Variants in VPS28 observed in about 807,000 individuals in gnomAD.
The protein encoded by VPS28 is VPS28 subunit of ESCRT-I.
A neutral mutation model predicts 33.7 loss-of-function variants in VPS28; 29 were observed. The ratio of observed to expected loss-of-function variants is 0.86; its 90% CI spans 0.64 to 1.17. The LOEUF is 1.17. Ranked by LOEUF, VPS28 falls within the 50% of genes most tolerant of loss-of-function variation. VPS28 has a pLI of 0.00. For synonymous variants in VPS28, 164 were observed against 116.7 expected (o/e 1.40, Z -2.61); for missense variants, 247 against 312.2 (o/e 0.79, Z 1.57).
At chr8:144,428,401 G>A (rs1822962811) in intron 1 of VPS28, 88 bp downstream of exon 1, 1 of 151,478 alleles carries the variant, frequency 6.6e-6, no homozygotes, top group Non-Finnish European at 1.5e-5. Context: ...AGCTGTGCCG[G>A]GGCCTAGGCG....
At position 144,424,727 on chromosome 8, in the gene VPS28, G is replaced by A. The variant is rs370144893; in HGVS notation, c.393C>T (p.Asp131=). The change falls in exon 7 of 10, where the codon GAC becomes GAT. Residue 131 remains aspartate, a synonymous_variant. Coordinates refer to ENST00000292510, the MANE Select transcript of VPS28 (RefSeq NM_016208.4). The stretch of plus-strand genomic sequence containing the variant: ...GGGGGCTGGGGCGCACCGAGACCAC[G>A]TCTGCGATGCAGCGGTTGAGGTTGC... ...DKGNLNRCIA[D]VVSLFITVMD... 1.1e-4 allele frequency: 171 copies of A among 1,611,976 alleles called. No homozygotes were observed. Among genetic ancestry groups the A allele is most frequent in the African/African-American group, 2.4e-4 (18 of 74,914 alleles).
At position 144,423,894 on chromosome 8, in the gene VPS28, A is replaced by C. The variant is rs782118765; in HGVS notation, c.577T>G (p.Ser193Ala). The change falls in exon 10 of 10, where the codon TCA (serine) becomes GCA (alanine). Residue 193 changes from serine to alanine, a missense_variant. Ser to Ala is a moderately conservative substitution (Grantham distance 99, BLOSUM62 1). Transcript: ENST00000292510. ...WLQTLSGMSA[S>A]DELDDSQVRQ... ...ACCTGTGAGTCGTCCAGCTCATCTGACGCCGACATGCCGCTCAGGGTCTGC... is the reference window on the plus strand; with the variant it reads ...ACCTGTGAGTCGTCCAGCTCATCTGCCGCCGACATGCCGCTCAGGGTCTGC... 12 of 1,613,022 alleles carry C rather than the reference A, an allele frequency of 7.4e-6. No homozygotes were observed. The Admixed American group carries it at 8.3e-5, about 11-fold the overall frequency.
At position 144,426,916 on chromosome 8, in the gene VPS28, G is replaced by T. The variant is rs941597559; in HGVS notation, c.30C>A (p.Gly10=). The T allele has an allele frequency of 6.2e-7, 1 of 1,612,648 alleles. No homozygotes were observed. ...CCTTCCAGCCACACTCACCTCCTAT[G>T]CCCGGCGTGGCTGGGATCCCATGAA... The part of the protein sequence containing the change: MFHGIPATP[G]IGAPGNKPEL... The change falls in exon 2 of 10, where the codon GGC becomes GGA. Residue 10 remains glycine, a synonymous_variant. Coordinates refer to ENST00000292510, the MANE Select transcript of VPS28 (RefSeq NM_016208.4).
At chr8:144,424,546 T>TG in intron 7 of VPS28, 172 bp downstream of exon 7, 1 of 848,768 alleles carries the variant, frequency 1.2e-6, no homozygotes, top group East Asian at 2.7e-5. Context: ...CCAGGTGGCC[T>TG]GGGGGCGTCC....
chr8:144,425,905 C>T (rs1269575601), intron 4 of VPS28, 121 bp downstream of exon 4: 22 of 1,505,408 alleles, frequency 1.5e-5, no homozygotes, highest in Non-Finnish European at 1.9e-5. Context: ...GCCTCAGGAA[C>T]AGTTCCCCAG....
Position 144,425,754 on chromosome 8 carries a change from C to T in VPS28, c.123G>A (p.Glu41=), listed in dbSNP as rs1554876551. 2 of 1,613,956 alleles carry T rather than the reference C, an allele frequency of 1.2e-6. No individual in the cohort carries two copies. The highest frequency in any genetic ancestry group is 1.1e-5 in the South Asian group (1 of 91,088). Residue 41 remains glutamate (E), a synonymous_variant, in exon 5 of 10, where the codon GAG becomes GAA. Coordinates refer to ENST00000292510, the MANE Select transcript of VPS28 (RefSeq NM_016208.4). The part of the protein sequence containing the change: ...REREKYDNMA[E]LFAVVKTMQA... ...GCATTGTCTTCACCACCGCAAACAGCTCTGCCATGTTGTCGTACCTGAGGA... is the reference window on the plus strand; with the variant it reads ...GCATTGTCTTCACCACCGCAAACAGTTCTGCCATGTTGTCGTACCTGAGGA...
chr8:144,425,163 C>T (rs1431396415), intron 5 of VPS28, 112 bp from the exon 6 acceptor site: 14 of 929,438 alleles, frequency 1.5e-5, no homozygotes, highest in Admixed American at 4.5e-5. Context: ...AGGCGACAGG[C>T]AAAGGCAGGC....
In VPS28 at chr8:144,426,709, C is replaced by T. The variant is rs1822776588; in HGVS notation, c.37+200G>A. On this transcript the variant is annotated intron_variant, in intron 2 of 9. Transcript: ENST00000292510. ...CCACACCGAAGCTCATCATCTCTGCCCAGCAGGACCAAGCCAGTTCTGTCT... is the reference window on the plus strand; with the variant it reads ...CCACACCGAAGCTCATCATCTCTGCTCAGCAGGACCAAGCCAGTTCTGTCT... The T allele has an allele frequency of 2.5e-5, 15 of 595,422 alleles. No individual in the cohort carries two copies. In the South Asian group the frequency reaches 3.1e-4, roughly 12 times the overall value. The allele number at this position is 595,422 out of a possible 1,614,324, so 36.9% of individuals were successfully genotyped here.
At chr8:144,427,819 G>C (rs1203860093) in intron 1 of VPS28, among the ~76,000 whole-genome samples, 2 of 152,206 alleles carry the variant, frequency 1.3e-5, no homozygotes, top group Non-Finnish European at 2.9e-5. Flanking sequence ...ATCCGCCGAG[G>C]GATTTGAGAT....
intron 7 of VPS28, 49 bp downstream of exon 7, chr8:144,424,669 C>T: frequency 6.3e-7 from 1 of 1,590,458 alleles, no homozygotes; most frequent in South Asian, 1.1e-5. Flanking sequence ...CCAGCTGCAG[C>T]AGGCAGCCTC....
Position 144,424,816 on chromosome 8 carries a change from C to A in VPS28, c.304G>T (p.Asp102Tyr). 5 of 1,613,936 alleles carry A rather than the reference C, an allele frequency of 3.1e-6. No homozygotes were observed. The highest frequency in any genetic ancestry group is 1.7e-5 in the Admixed American group (1 of 60,012). The change falls in exon 7 of 10, where the codon GAC becomes TAC. Residue 102 changes from aspartate (D) to tyrosine (Y), a missense_variant. Physicochemically the swap from Asp to Tyr is radical, Grantham distance 160. Coordinates refer to ENST00000292510, the MANE Select transcript of VPS28 (RefSeq NM_016208.4). ...ATCCGCTCCATGGCCAGCGGGCAGT[C>A]CAGCTGTTGGGGGTGACATGGGTGC... ...IDEFCRKFRL[D>Y]CPLAMERIKE...
chr8:144,424,863 C>G (rs782122633), intron 6 of VPS28, 44 bp from the exon 7 acceptor site: 1 of 1,612,572 alleles, frequency 6.2e-7, no homozygotes, highest in Admixed American at 1.7e-5. Flanking sequence ...GGACAGCAAG[C>G]CCCAGGTGGC....
intron 9 of VPS28, 27 bp downstream of exon 9, chr8:144,424,014 C>T: frequency 6.3e-7 from 1 of 1,599,702 alleles, no homozygotes; most frequent in Non-Finnish European, 8.5e-7. Flanking sequence ...CACTGCGGGG[C>T]TCTGCCTGGC....
rs1045108604 is a variant in VPS28, at chr8:144,425,047, T to G, written c.199A>C (p.Thr67Pro). 6.4e-7 allele frequency: 1 copy of G among 1,551,568 alleles called. No homozygotes were observed. The highest frequency in any genetic ancestry group is 8.7e-7 in the Non-Finnish European group (1 of 1,146,966). ...ACCAGGAGCCGGGAGCAGGCTGCAG[T>G]GTACCTAGGGAGAGGTCAGCTGCTG... ...IKDCVSPSEY[T>P]AACSRLLVQY... is the part of the protein sequence containing the mutation. The change falls in exon 6 of 10, where the codon ACT (threonine) becomes CCT (proline). Residue 67 changes from threonine (T) to proline (P), a missense_variant. Physicochemically the swap from Thr to Pro is conservative, Grantham distance 38. Coordinates refer to ENST00000292510, the MANE Select transcript of VPS28 (RefSeq NM_016208.4).
At chr8:144,424,475 C>T in intron 7 of VPS28, 1 of 808,872 alleles carries the variant, frequency 1.2e-6, no homozygotes, top group Non-Finnish European at 1.9e-6. Context: ...CACACCCACA[C>T]TCTCTCCCGA....
chr8:144,426,059 A>G lies in VPS28; in HGVS notation c.71T>C (p.Val24Ala). 1 of 1,540,928 alleles carries G rather than the reference A, an allele frequency of 6.5e-7. No homozygotes were observed. The highest frequency in any genetic ancestry group is 1.7e-4 in the Middle Eastern group (1 of 5,888). ...CTCCCGGGCGTTCTTGTACAACTTC[A>G]CTTCCTGCCGGAGAGAGCGGGCTCT... is the stretch of plus-strand genomic sequence containing the variant. ...PGNKPELYEE[V>A]KLYKNARERE... The change falls in exon 4 of 10, where the codon GTG becomes GCG. Residue 24 changes from valine to alanine, a missense_variant. Transcript: ENST00000292510.
At chr8:144,426,877 C>T in intron 2 of VPS28, 32 bp downstream of exon 2, 1 of 1,611,640 alleles carries the variant, frequency 6.2e-7, no homozygotes, top group East Asian at 2.2e-5. Flanking sequence ...GCAGAAGCGG[C>T]TGAAAGCCTG....
Position 144,423,670 on chromosome 8 carries a change from A to G in VPS28, c.*135T>C. 8 of 1,195,888 alleles carry G rather than the reference A, an allele frequency of 6.7e-6. No individual in the cohort carries two copies. Among genetic ancestry groups the G allele is most frequent in the Non-Finnish European group, 9.5e-6 (8 of 843,416 alleles). The allele number at this position is 1,195,888 out of a possible 1,614,324, so 74.1% of individuals were successfully genotyped here. A position where few individuals can be genotyped will look rare whatever the true frequency, so the allele number is the denominator to read the frequency against. On this transcript the variant is annotated 3_prime_UTR_variant, in exon 10 of 10. Transcript: ENST00000292510. ...GAGGGGCCCGGCCCCCAAAGTTCTG[A>G]CACCAAAGACAGACACCAGACAGGC...
rs1554875767 is a variant in VPS28, at chr8:144,423,766, CAG to C, written c.*37_*38del. 6.2e-7 allele frequency: 1 copy of C among 1,612,334 alleles called. No individual in the cohort carries two copies. The highest frequency in any genetic ancestry group is 8.5e-7 in the Non-Finnish European group (1 of 1,179,656). Reference sequence around the variant, plus strand: ...GACAGGGGACCAGGAGCCATCGCCTCAGACTCTGCCCTTCTGTGCAAGGGCTA... The same window carrying C: ...GACAGGGGACCAGGAGCCATCGCCTCACTCTGCCCTTCTGTGCAAGGGCTA... On this transcript the variant is annotated 3_prime_UTR_variant, in exon 10 of 10. Coordinates refer to ENST00000292510, the MANE Select transcript of VPS28 (RefSeq NM_016208.4).
Sources: gnomAD v4.1 joint callset for allele counts (sites outside exome capture counted in the v4.1 genomes callset) on GRCh38, gnomAD v4.1.1 for gene constraint, MANE v1.5 for transcripts, NCBI Gene and HGNC (gene_info 2026-07-23, HGNC 2026-07-21) for gene names.